The following GOLGA2 variants were observed in gnomAD, a reference collection of about 807,000 sequenced individuals.
GOLGA2 encodes the protein golgin A2.
A neutral mutation model predicts 148.8 loss-of-function variants in GOLGA2; 49 were observed. The ratio of observed to expected loss-of-function variants is 0.33; its 90% CI spans 0.26 to 0.42. The LOEUF is 0.42. GOLGA2 is among the 10% of genes least tolerant of loss of function. The pLI, the probability that GOLGA2 is intolerant of heterozygous loss-of-function variation, is 1.00. For missense variants in GOLGA2, 1,178 were observed against 1,304.6 expected (o/e 0.90, Z 1.49); for synonymous variants, 501 against 511.8 (o/e 0.98, Z 0.28).
Position 128,262,827 on chromosome 9 carries a change from A to G in GOLGA2, c.993-123T>C. On this transcript the variant is annotated intron_variant, in intron 13 of 26. Transcript: ENST00000611957. Reference sequence around the variant, plus strand: ...GGCACTGGAAGGAACCCCAGGAATCAAAAGTCACATGTACAGGCCAGAGAA... The same window carrying G: ...GGCACTGGAAGGAACCCCAGGAATCGAAAGTCACATGTACAGGCCAGAGAA... The G allele has an allele frequency of 7.3e-6, 7 of 958,722 alleles. 1 individual carries two copies. In the South Asian group the frequency reaches 1.0e-4, roughly 14 times the overall value. The allele number at this position is 958,722 out of a possible 1,614,324, so 59.4% of individuals were successfully genotyped here.
chr9:128,258,088 G>C lies in GOLGA2; in HGVS notation c.2400C>G (p.Ala800=). The C allele has an allele frequency of 6.2e-7, 1 of 1,610,660 alleles. No individual in the cohort carries two copies. Among genetic ancestry groups the C allele is most frequent in the Non-Finnish European group, 8.5e-7 (1 of 1,179,770 alleles). ...CTGCCTCAGGCTCCTTCTGGGCCGA[G>C]GCCAGCAGGTGAGCCAGGCGCCGGC... is the stretch of plus-strand genomic sequence containing the variant. ...VRCRRLAHLL[A]SAQKEPEAAA... The change falls in exon 23 of 27, where the codon GCC becomes GCG. Residue 800 remains alanine (A), a synonymous_variant. Transcript: ENST00000611957. This position sits in a 1 kb window ranked among gnomAD's most constrained non-coding sequence, Gnocchi z 6.6.
chr9:128,258,464 C>T lies in GOLGA2; in HGVS notation c.2280G>A (p.Arg760=). ...MPSIPEDLES[R]EAMVAFFNSA... is the part of the protein sequence containing the mutation. ...GGGGAGTCAGCCTCACCATGGCTTC[C>T]CGGCTCTCCAGGTCCTCCGGGATGC... The change falls in exon 22 of 27, where the codon CGG becomes CGA. Residue 760 remains arginine, a synonymous_variant. Coordinates refer to ENST00000611957, the MANE Select transcript of GOLGA2 (RefSeq NM_001366244.2). The surrounding 1 kb of genome is among the most constrained non-coding windows in gnomAD (Gnocchi z 6.6). The T allele has an allele frequency of 6.2e-7, 1 of 1,613,190 alleles. No homozygotes were observed. Among genetic ancestry groups the T allele is most frequent in the Non-Finnish European group, 8.5e-7 (1 of 1,179,608 alleles).
rs1188328560 is a variant in GOLGA2 at position 128,257,636 on chromosome 9, T to C, written c.2683A>G (p.Ile895Val). 6.2e-7 allele frequency: 1 copy of C among 1,614,148 alleles called. No homozygotes were observed. Among genetic ancestry groups the C allele is most frequent in the East Asian group, 2.2e-5 (1 of 44,864 alleles). ...KERHREKEEYISRLAQDKEEM... is the reference protein window; with the variant it reads ...KERHREKEEYVSRLAQDKEEM... ...TCCTTGTCTTGGGCCAGCCTGCTGA[T>C]GTACTCCTCCTTCTCCCGGTGCCGC... Residue 895 changes from isoleucine (I) to valine (V), a missense_variant, in exon 25 of 27, where the codon ATC becomes GTC. Transcript: ENST00000611957. The surrounding 1 kb of genome is among the most constrained non-coding windows in gnomAD (Gnocchi z 8.0).
chr9:128,268,373 A>T lies in GOLGA2; in HGVS notation c.393+47T>A, dbSNP rs1337631669. 4 of 1,124,678 alleles carry T rather than the reference A, an allele frequency of 3.6e-6. No homozygotes were observed. In the Admixed American group the frequency reaches 6.8e-5, roughly 19 times the overall value. The allele number at this position is 1,124,678 out of a possible 1,614,324, so 69.7% of individuals were successfully genotyped here. A position where few individuals can be genotyped will look rare whatever the true frequency, so the allele number is the denominator to read the frequency against. ...TGCCTGTGAAAGGAGAAGATAATGC[A>T]TAATAGGTACAGGAGGGCAGTGGGC... On this transcript the variant is annotated intron_variant, in intron 4 of 26. Coordinates refer to ENST00000611957, the MANE Select transcript of GOLGA2 (RefSeq NM_001366244.2).
In GOLGA2 at chr9:128,273,926, G is replaced by A. The variant is rs994662451; in HGVS notation, c.131C>T (p.Ala44Val). 3.7e-6 allele frequency: 6 copies of A among 1,612,750 alleles called. No homozygotes were observed. Among genetic ancestry groups the A allele is most frequent in the Admixed American group, 3.3e-5 (2 of 59,962 alleles). ...ATTTTTTATTTTCTTCTTCTTTTTC[G>A]CTCCTGTAGGAACACCAGGGCTATT... Reference protein sequence around the residue: ...QRNSPGVPTGAKKKKKIKNGS... With the variant: ...QRNSPGVPTGVKKKKKIKNGS... The change falls in exon 2 of 27, where the codon GCG (alanine) becomes GTG (valine). Residue 44 changes from alanine to valine, a missense_variant. Physicochemically the swap from Ala to Val is moderately conservative, Grantham distance 64. Coordinates refer to ENST00000611957, the MANE Select transcript of GOLGA2 (RefSeq NM_001366244.2).
chr9:128,260,458 A>G lies in GOLGA2; in HGVS notation c.1758+7T>C, dbSNP rs766818503. ...GGAGGGCGGGCTCTCCAGGTGGGGC[A>G]GCGCACCAGCTTTACAAATCCGCTC... On this transcript the variant is annotated splice_region_variant and intron_variant, in intron 18 of 26. Coordinates refer to ENST00000611957, the MANE Select transcript of GOLGA2 (RefSeq NM_001366244.2). This position sits in a 1 kb window ranked among gnomAD's most constrained non-coding sequence, Gnocchi z 4.8. 3 of 1,602,788 alleles carry G rather than the reference A, an allele frequency of 1.9e-6. No homozygotes were observed. Among genetic ancestry groups the G allele is most frequent in the African/African-American group, 1.3e-5 (1 of 74,748 alleles).
In GOLGA2 at chr9:128,266,445, T is replaced by C. The variant is rs1830603203; in HGVS notation, c.643-120A>G. 19 of 814,524 alleles carry C rather than the reference T, an allele frequency of 2.3e-5. No homozygotes were observed. The highest frequency in any genetic ancestry group is 1.0e-4 in the South Asian group (7 of 68,962). The allele number at this position is 814,524 out of a possible 1,614,324, so 50.5% of individuals were successfully genotyped here. A position where few individuals can be genotyped will look rare whatever the true frequency, so the allele number is the denominator to read the frequency against. The stretch of plus-strand genomic sequence containing the variant: ...TTAAAGGCAAAGTTCTCAGACCCAA[T>C]GGGAACACGAACTGGTAAACTCTCC... On this transcript the variant is annotated intron_variant, in intron 8 of 26. Transcript: ENST00000611957. This position sits in a 1 kb window ranked among gnomAD's most constrained non-coding sequence, Gnocchi z 4.2.
chr9:128,260,829 C>A lies in GOLGA2; in HGVS notation c.1421-27G>T. ...TGAGAAAGGACGCAGACAATAAAAG[C>A]CTCTGGATTCTCAAAAAAACCCTCC... is the stretch of plus-strand genomic sequence containing the variant. On this transcript the variant is annotated intron_variant, in intron 17 of 26. Transcript: ENST00000611957. The surrounding 1 kb of genome is among the most constrained non-coding windows in gnomAD (Gnocchi z 4.8). 6.8e-7 allele frequency: 1 copy of A among 1,480,168 alleles called. No homozygotes were observed. Among genetic ancestry groups the A allele is most frequent in the Non-Finnish European group, 9.2e-7 (1 of 1,086,906 alleles). The allele number at this position is 1,480,168 out of a possible 1,614,324, so 91.7% of individuals were successfully genotyped here.
rs1421903098 is a variant in GOLGA2 at position 128,271,001 on chromosome 9, A to C, written c.288+1784T>G. Among the ~76,000 whole-genome samples the C allele has an allele frequency of 6.6e-6, 1 of 152,184 alleles. No individual in the cohort carries two copies. The highest frequency in any genetic ancestry group is 2.4e-5 in the African/African-American group (1 of 41,440). On this transcript the variant is annotated intron_variant, in intron 3 of 26. Coordinates refer to ENST00000611957, the MANE Select transcript of GOLGA2 (RefSeq NM_001366244.2). This position sits in a 1 kb window ranked among gnomAD's most constrained non-coding sequence, Gnocchi z 4.4. ...GAGGGGGAGGTTGCAGTGAGCCAAGATCACACCACTGCACTCCAGGAGAAA... is the reference window on the plus strand; with the variant it reads ...GAGGGGGAGGTTGCAGTGAGCCAAGCTCACACCACTGCACTCCAGGAGAAA...
intron 6 of GOLGA2, 103 bp from the exon 7 acceptor site, chr9:128,267,620 C>T (rs1049632824): frequency 1.1e-6 from 1 of 869,606 alleles, no homozygotes. Flanking sequence ...TCTTTTCTAA[C>T]TTGGACCCTC....
chr9:128,258,185 T>C lies in GOLGA2; in HGVS notation c.2303A>G (p.Asn768Ser). The change falls in exon 23 of 27, where the codon AAC becomes AGC. Residue 768 changes from asparagine (N) to serine (S), a missense_variant. By Grantham distance (46) the Asn-to-Ser change is conservative. Coordinates refer to ENST00000611957, the MANE Select transcript of GOLGA2 (RefSeq NM_001366244.2). This position sits in a 1 kb window ranked among gnomAD's most constrained non-coding sequence, Gnocchi z 6.6. ...ESREAMVAFFNSAVASAEEEQ... is the reference protein window; with the variant it reads ...ESREAMVAFFSSAVASAEEEQ... ...CTCCTCGGCACTGGCTACAGCTGAG[T>C]TGAAAAATGCCACCTGCAGGCAAGA... 6.3e-7 allele frequency: 1 copy of C among 1,595,076 alleles called. No individual in the cohort carries two copies. Among genetic ancestry groups the C allele is most frequent in the South Asian group, 1.1e-5 (1 of 89,690 alleles).
Position 128,271,027 on chromosome 9 carries a change from G to A in GOLGA2, c.288+1758C>T, listed in dbSNP as rs915885948. 6.6e-6 allele frequency among the ~76,000 whole-genome samples: 1 copy of A among 152,156 alleles called. No homozygotes were observed. The highest frequency in any genetic ancestry group is 1.5e-5 in the Non-Finnish European group (1 of 68,034). ...TCACACCACTGCACTCCAGGAGAAA[G>A]AGCAAGACTCTTTCTCAAAAACAAA... is the stretch of plus-strand genomic sequence containing the variant. On this transcript the variant is annotated intron_variant, in intron 3 of 26. Coordinates refer to ENST00000611957, the MANE Select transcript of GOLGA2 (RefSeq NM_001366244.2). This position sits in a 1 kb window ranked among gnomAD's most constrained non-coding sequence, Gnocchi z 4.4.
rs1830164063 is a variant in GOLGA2, at chr9:128,260,158, A to C, written c.1790T>G (p.Leu597Arg). The C allele has an allele frequency of 1.9e-6, 3 of 1,609,788 alleles. No homozygotes were observed. The East Asian group carries it at 6.7e-5, about 36-fold the overall frequency. Residue 597 changes from leucine (L) to arginine (R), a missense_variant, in exon 19 of 27, where the codon CTG (leucine) becomes CGG (arginine). Leu to Arg is a moderately radical substitution (Grantham distance 102, BLOSUM62 -2). Around this residue, in one of 5 missense-constraint regions of GOLGA2, gnomAD observed 529 missense variants for 521.8 expected, o/e 1.01. Coordinates refer to ENST00000611957, the MANE Select transcript of GOLGA2 (RefSeq NM_001366244.2). This position sits in a 1 kb window ranked among gnomAD's most constrained non-coding sequence, Gnocchi z 4.8. Reference sequence around the variant, plus strand: ...CCTCTTGACGTGCTGCTCCGACTGCAGTGCGCTGGTGATCTCCATGTTCTC... The same window carrying C: ...CCTCTTGACGTGCTGCTCCGACTGCCGTGCGCTGGTGATCTCCATGTTCTC... ...TNENMEITSA[L>R]QSEQHVKREL...
Position 128,272,833 on chromosome 9 carries a change from G to T in GOLGA2, c.240C>A (p.Asp80Glu), listed in dbSNP as rs1455679222. The change falls in exon 3 of 27, where the codon GAC becomes GAA. Residue 80 changes from aspartate (D) to glutamate (E), a missense_variant. Around this residue, in one of 5 missense-constraint regions of GOLGA2, gnomAD observed 158 missense variants for 156.6 expected, o/e 1.01. Coordinates refer to ENST00000611957, the MANE Select transcript of GOLGA2 (RefSeq NM_001366244.2). ...GCGCTACCCCATTGGAACGGTTAAG[G>T]TCGGACACCAGCACCTTCAGAATGT... Reference protein sequence around the residue: ...IQDILKVLVSDLNRSNGVALP... With the variant: ...IQDILKVLVSELNRSNGVALP... The T allele has an allele frequency of 1.6e-6, 2 of 1,282,128 alleles. No homozygotes were observed. Among genetic ancestry groups the T allele is most frequent in the Non-Finnish European group, 2.0e-6 (2 of 984,120 alleles). 79.4% of individuals were successfully genotyped at this position (1,282,128 alleles called of 1,614,324 possible).
chr9:128,260,860 G>A lies in GOLGA2; in HGVS notation c.1421-58C>T, dbSNP rs913970043. On this transcript the variant is annotated intron_variant, in intron 17 of 26. Coordinates refer to ENST00000611957, the MANE Select transcript of GOLGA2 (RefSeq NM_001366244.2). The surrounding 1 kb of genome is among the most constrained non-coding windows in gnomAD (Gnocchi z 4.8). ...GATTCTCAAAAAAACCCTCCTCTTG[G>A]TCCATACCTCCTCTCAAGCTCCCCA... is the stretch of plus-strand genomic sequence containing the variant. 186 of 1,204,706 alleles carry A rather than the reference G, an allele frequency of 1.5e-4. No individual in the cohort carries two copies. Among genetic ancestry groups the A allele is most frequent in the Non-Finnish European group, 1.8e-4 (155 of 859,460 alleles). 74.6% of individuals were successfully genotyped at this position (1,204,706 alleles called of 1,614,324 possible). A position where few individuals can be genotyped will look rare whatever the true frequency, so the allele number is the denominator to read the frequency against.
In GOLGA2 at chr9:128,258,712, CT is replaced by C. The variant is rs1171112163; in HGVS notation, c.2174-143del. Reference sequence around the variant, plus strand: ...ATCTGTTCTTTATTTTTATTTTATTCTTTTTTAAGAGCCAAGGGCTCGCTAT... The same window carrying C: ...ATCTGTTCTTTATTTTTATTTTATTCTTTTTAAGAGCCAAGGGCTCGCTAT... On this transcript the variant is annotated intron_variant, in intron 21 of 26. Coordinates refer to ENST00000611957, the MANE Select transcript of GOLGA2 (RefSeq NM_001366244.2). This position sits in a 1 kb window ranked among gnomAD's most constrained non-coding sequence, Gnocchi z 6.6. 8.9e-6 allele frequency: 6 copies of C among 675,524 alleles called. No individual in the cohort carries two copies. The highest frequency in any genetic ancestry group is 3.7e-5 in the African/African-American group (2 of 54,686). 41.8% of individuals were successfully genotyped at this position (675,524 alleles called of 1,614,324 possible).
rs1830950411 is a variant in GOLGA2, at chr9:128,271,593, A to C, written c.288+1192T>G. Among the ~76,000 whole-genome samples, 1 of 151,552 alleles carries C rather than the reference A, an allele frequency of 6.6e-6. No individual in the cohort carries two copies. The highest frequency in any genetic ancestry group is 1.5e-5 in the Non-Finnish European group (1 of 67,922). Reference sequence around the variant, plus strand: ...GAGTTCACACTCTGGCCACGGCCTCACCGCTCCCCCTGCCTCCCCCACTCC... The same window carrying C: ...GAGTTCACACTCTGGCCACGGCCTCCCCGCTCCCCCTGCCTCCCCCACTCC... On this transcript the variant is annotated intron_variant, in intron 3 of 26. Transcript: ENST00000611957. This position sits in a 1 kb window ranked among gnomAD's most constrained non-coding sequence, Gnocchi z 4.4.
At position 128,258,945 on chromosome 9, in the gene GOLGA2, CT is replaced by C; in HGVS notation, c.2173+61del. 2 of 1,093,466 alleles carry C rather than the reference CT, an allele frequency of 1.8e-6. No individual in the cohort carries two copies. Among genetic ancestry groups the C allele is most frequent in the Non-Finnish European group, 2.8e-6 (2 of 716,118 alleles). 67.7% of individuals were successfully genotyped at this position (1,093,466 alleles called of 1,614,324 possible). ...TCTCTTCCAACTCCTCAATTCTACG[CT>C]GCTAACAGTCCCCCCTTCTTCCTGG... On this transcript the variant is annotated intron_variant, in intron 21 of 26. Transcript: ENST00000611957. This position sits in a 1 kb window ranked among gnomAD's most constrained non-coding sequence, Gnocchi z 6.6.
In GOLGA2 at chr9:128,258,648, T is replaced by C; in HGVS notation, c.2174-78A>G. 9.5e-7 allele frequency: 1 copy of C among 1,056,008 alleles called. No homozygotes were observed. Among genetic ancestry groups the C allele is most frequent in the Non-Finnish European group, 1.4e-6 (1 of 721,888 alleles). The allele number at this position is 1,056,008 out of a possible 1,614,324, so 65.4% of individuals were successfully genotyped here. A position where few individuals can be genotyped will look rare whatever the true frequency, so the allele number is the denominator to read the frequency against. On this transcript the variant is annotated intron_variant, in intron 21 of 26. Coordinates refer to ENST00000611957, the MANE Select transcript of GOLGA2 (RefSeq NM_001366244.2). This position sits in a 1 kb window ranked among gnomAD's most constrained non-coding sequence, Gnocchi z 6.6. Reference sequence around the variant, plus strand: ...CCCACCTCTGCCCCCACCCTCACTGTGTAACCCTGGGCCAGCCCCTCCCCA... The same window carrying C: ...CCCACCTCTGCCCCCACCCTCACTGCGTAACCCTGGGCCAGCCCCTCCCCA...
Sources: gnomAD v4.1 joint callset for allele counts (sites outside exome capture counted in the v4.1 genomes callset) on GRCh38, gnomAD v4.1.1 for gene constraint, gnomAD v4.1.1 regional missense constraint, Gnocchi (gnomAD v3.1) non-coding constraint, MANE v1.5 for transcripts, NCBI Gene and HGNC (gene_info 2026-07-23, HGNC 2026-07-21) for gene names.